Variants in RILPL1 observed in about 807,000 individuals in gnomAD.
The protein encoded by RILPL1 is Rab interacting lysosomal protein like 1, also known as RILP-like protein 1.
A neutral mutation model predicts 50.3 loss-of-function variants in RILPL1; 33 were observed. The ratio of observed to expected loss-of-function variants is 0.66; its 90% CI spans 0.50 to 0.88. RILPL1 has a LOEUF of 0.88. RILPL1 is among the 40% of genes least tolerant of loss of function. RILPL1 has a pLI of 0.00. For missense variants in RILPL1, 418 were observed against 542.5 expected (o/e 0.77, Z 2.28); for synonymous variants, 205 against 228.6 (o/e 0.90, Z 0.93).
intron 6 of RILPL1, chr12:123,474,154 G>A (rs190911096): frequency 3.3e-5 from 5 of 152,378 alleles, no homozygotes; most frequent in Admixed American, 3.3e-4. Context: ...CCAAAGTGCT[G>A]GGATTACAGG....
At chr12:123,515,901 G>C (rs1405201619) in intron 2 of RILPL1, among the ~76,000 whole-genome samples, 2 of 151,830 alleles carry the variant, frequency 1.3e-5, no homozygotes, top group Non-Finnish European at 2.9e-5. Flanking sequence ...AGGCGTGGTG[G>C]CACAGGCCTG....
intron 5 of RILPL1, 150 bp from the exon 6 acceptor site, chr12:123,484,422 C>G: frequency 3.0e-6 from 2 of 672,146 alleles, no homozygotes; most frequent in Middle Eastern, 2.4e-4. Context: ...AAGAGTCCAG[C>G]CAAATAGAAC....
At chr12:123,519,307 C>T (rs2139378742) in intron 2 of RILPL1, 1 of 152,258 alleles carries the variant, frequency 6.6e-6, no homozygotes, top group South Asian at 2.1e-4. Context: ...CGATGGCTTG[C>T]ATACCTGTCA....
At chr12:123,495,142 G>A (rs1316525624) in intron 4 of RILPL1, among the ~76,000 whole-genome samples, 1 of 152,114 alleles carries the variant, frequency 6.6e-6, no homozygotes, top group Non-Finnish European at 1.5e-5. Context: ...TGGGACTCTA[G>A]GGAAAGAGGC....
chr12:123,470,690 A>C lies in RILPL1; in HGVS notation c.*1848T>G, dbSNP rs1357577707. On this transcript the variant is annotated 3_prime_UTR_variant, in exon 7 of 7. Transcript: ENST00000376874. ...TCCCAGCTACTTGGGAGGCTCAGGC[A>C]TGAGAATTGCTTGAACTCAAGAGGC... 1 of 152,288 alleles carries C rather than the reference A, an allele frequency of 6.6e-6. No individual in the cohort carries two copies. Among genetic ancestry groups the C allele is most frequent in the African/African-American group, 2.4e-5 (1 of 41,472 alleles). 9.4% of individuals were successfully genotyped at this position (152,288 alleles called of 1,614,324 possible). A position where few individuals can be genotyped will look rare whatever the true frequency, so the allele number is the denominator to read the frequency against.
Position 123,533,051 on chromosome 12 carries a change from G to T in RILPL1, c.309+123C>A. The T allele has an allele frequency of 1.9e-6, 2 of 1,053,244 alleles. No individual in the cohort carries two copies. The highest frequency in any genetic ancestry group is 2.7e-6 in the Non-Finnish European group (2 of 753,774). The allele number at this position is 1,053,244 out of a possible 1,614,324, so 65.2% of individuals were successfully genotyped here. ...CAGGGCCTCCCTCCCTCCCCACGTC[G>T]GGTCTCCTCTGGTCCGGTCCCTGAA... is the stretch of plus-strand genomic sequence containing the variant. On this transcript the variant is annotated intron_variant, in intron 1 of 6. Transcript: ENST00000376874. The surrounding 1 kb of genome is among the most constrained non-coding windows in gnomAD (Gnocchi z 6.2).
chr12:123,472,776 TAGAAG>T (rs1881283600), intron 6 of RILPL1, 94 bp from the exon 7 acceptor site: 1 of 1,344,106 alleles, frequency 7.4e-7, no homozygotes, highest in African/African-American at 1.5e-5. Flanking sequence ...GCAGCAAACT[TAGAAG>T]GGAGCAAATC....
At chr12:123,473,731 C>G (rs570330798) in intron 6 of RILPL1, 1 of 151,176 alleles carries the variant, frequency 6.6e-6, no homozygotes, top group Non-Finnish European at 1.5e-5. Flanking sequence ...GTGACTGTTG[C>G]ATATTGATCA....
chr12:123,529,836 T>C (rs906557205), intron 1 of RILPL1, among the ~76,000 whole-genome samples: 2 of 147,642 alleles, frequency 1.4e-5, no homozygotes, highest in Non-Finnish European at 3.0e-5. Flanking sequence ...ATGCCATCAT[T>C]GCTCTCTGGC....
intron 2 of RILPL1, among the ~76,000 whole-genome samples, chr12:123,521,678 T>C (rs868274661): frequency 3.0e-5 from 1 of 33,898 alleles, no homozygotes; most frequent in African/African-American, 1.1e-4. Flanking sequence ...TATAAATATA[T>C]ATATATACAC....
At chr12:123,475,755 T>A in intron 6 of RILPL1, 1 of 1,567,148 alleles carries the variant, frequency 6.4e-7, no homozygotes, top group Non-Finnish European at 8.6e-7. Flanking sequence ...AAGATCCTGG[T>A]TAGAGAAGTA....
At chr12:123,484,949 G>A (rs1229043584) in intron 5 of RILPL1, 7 of 318,760 alleles carry the variant, frequency 2.2e-5, no homozygotes, top group Non-Finnish European at 4.5e-5. Context: ...ATGAGCCACC[G>A]CGCCCGGCCT....
At position 123,472,275 on chromosome 12, in the gene RILPL1, T is replaced by G. The variant is rs1881239586; in HGVS notation, c.*263A>C. ...TTAACGCAGAAGTCTGGCCTCCGTTTGTGGGATTATTAAATATATATCCTA... is the reference window on the plus strand; with the variant it reads ...TTAACGCAGAAGTCTGGCCTCCGTTGGTGGGATTATTAAATATATATCCTA... On this transcript the variant is annotated 3_prime_UTR_variant, in exon 7 of 7. Coordinates refer to ENST00000376874, the MANE Select transcript of RILPL1 (RefSeq NM_178314.5). 1 of 413,282 alleles carries G rather than the reference T, an allele frequency of 2.4e-6. No homozygotes were observed. The highest frequency in any genetic ancestry group is 4.8e-5 in the South Asian group (1 of 20,836). 25.6% of individuals were successfully genotyped at this position (413,282 alleles called of 1,614,324 possible). A position where few individuals can be genotyped will look rare whatever the true frequency, so the allele number is the denominator to read the frequency against.
Position 123,471,854 on chromosome 12 carries a change from T to C in RILPL1, c.*684A>G, listed in dbSNP as rs1373136014. The C allele has an allele frequency of 2.0e-5, 3 of 152,838 alleles. No homozygotes were observed. Among genetic ancestry groups the C allele is most frequent in the Non-Finnish European group, 4.4e-5 (3 of 68,172 alleles). 9.5% of individuals were successfully genotyped at this position (152,838 alleles called of 1,614,324 possible). On this transcript the variant is annotated 3_prime_UTR_variant, in exon 7 of 7. Coordinates refer to ENST00000376874, the MANE Select transcript of RILPL1 (RefSeq NM_178314.5). ...CTTAGCAACTTTGTTTGGTTAGTAC[T>C]GCATAACTCACAGCAGATTCCAAGG...
chr12:123,521,000 T>A (rs891849492), intron 2 of RILPL1, among the ~76,000 whole-genome samples: 3 of 152,174 alleles, frequency 2.0e-5, no homozygotes, highest in African/African-American at 7.2e-5. Flanking sequence ...TTTCAGCTGA[T>A]CTGGGTTCAC....
intron 2 of RILPL1, among the ~76,000 whole-genome samples, chr12:123,509,493 G>T (rs765162032): frequency 6.6e-6 from 1 of 151,762 alleles, no homozygotes; most frequent in Non-Finnish European, 1.5e-5. Context: ...AACCTGAAAG[G>T]TGGAGGTTGC....
chr12:123,525,024 C>T (rs7294724), intron 1 of RILPL1, among the ~76,000 whole-genome samples: 252 of 152,144 alleles, frequency 1.7e-3, no homozygotes, highest in African/African-American at 5.4e-3. Flanking sequence ...CCCAGCTACT[C>T]GGGAGGCTGA....
In RILPL1 at chr12:123,471,770, AAGGAAAAAAAGATGTC is replaced by A. The variant is rs1374060696; in HGVS notation, c.*752_*767del. ...AAGTATATGACTTAATGAATCCTAA[AAGGAAAAAAAGATGTC>A]AGGAAAAAAAAGTGCACACAAGAAA... On this transcript the variant is annotated 3_prime_UTR_variant, in exon 7 of 7. Transcript: ENST00000376874. 1 of 152,650 alleles carries A rather than the reference AAGGAAAAAAAGATGTC, an allele frequency of 6.6e-6. No homozygotes were observed. Among genetic ancestry groups the A allele is most frequent in the Non-Finnish European group, 1.5e-5 (1 of 68,058 alleles). The allele number at this position is 152,650 out of a possible 1,614,324, so 9.5% of individuals were successfully genotyped here.
chr12:123,530,040 A>G (rs1885393833), intron 1 of RILPL1, among the ~76,000 whole-genome samples: 1 of 152,146 alleles, frequency 6.6e-6, no homozygotes, highest in Admixed American at 6.6e-5. Context: ...GATTTCAAAG[A>G]TGTAGTAGGA....
Sources: gnomAD v4.1 joint callset for allele counts (sites outside exome capture counted in the v4.1 genomes callset) on GRCh38, gnomAD v4.1.1 for gene constraint, Gnocchi (gnomAD v3.1) non-coding constraint, MANE v1.5 for transcripts, NCBI Gene and HGNC (gene_info 2026-07-23, HGNC 2026-07-21) for gene names.